The following SF3B1 variants were observed in gnomAD, a reference collection of about 807,000 sequenced individuals.
SF3B1 encodes pre-mRNA processing 10.
A neutral mutation model predicts 153.8 loss-of-function variants in SF3B1; 12 were observed. The observed-to-expected ratio is 0.08, with a 90% CI of 0.05 to 0.13. The LOEUF (loss-of-function observed/expected upper bound fraction) is 0.13. Ranked by LOEUF, SF3B1 falls within the 10% of genes least tolerant of loss-of-function variation. The pLI, the probability that SF3B1 is intolerant of heterozygous loss-of-function variation, is 1.00. For missense variants in SF3B1, 513 were observed against 1,606.1 expected (o/e 0.32, Z 11.63); for synonymous variants, 498 against 525.2 (o/e 0.95, Z 0.71).
chr2:197,398,190 T>G, intron 21 of SF3B1, 74 bp from the exon 22 acceptor site: 1 of 1,202,886 alleles, frequency 8.3e-7, no homozygotes, highest in African/African-American at 1.5e-5. Flanking sequence ...CAAATTCAGT[T>G]CTAAAAACAT....
Position 197,396,295 on chromosome 2 carries a change from G to A in SF3B1, c.3300C>T (p.Asn1100=), listed in dbSNP as rs146480206. ...PHDVLATLLN[N]LKVQERQNRV... ...TGTTCTGCCTTTCTTGAACTTTGAG[G>A]TTGTTCAGAAGTGTAGCCAATACAT... Residue 1100 remains asparagine (N), a synonymous_variant, in exon 23 of 25, where the codon AAC becomes AAT. Transcript: ENST00000335508. The A allele has an allele frequency of 1.2e-6, 2 of 1,613,692 alleles. No individual in the cohort carries two copies. The highest frequency in any genetic ancestry group is 2.7e-5 in the African/African-American group (2 of 74,858).
At chr2:197,396,657 A>C (rs2084877486) in intron 22 of SF3B1, among the ~76,000 whole-genome samples, 1 of 152,248 alleles carries the variant, frequency 6.6e-6, no homozygotes, top group African/African-American at 2.4e-5. Context: ...CTAAATGTTT[A>C]AAGTGAGTAA....
At chr2:197,410,138 A>G (rs2085046552) in intron 6 of SF3B1, 131 bp from the exon 7 acceptor site, 1 of 591,754 alleles carries the variant, frequency 1.7e-6, no homozygotes, top group African/African-American at 1.9e-5. Context: ...GTTAGAAGAC[A>G]CTACCTCTAC....
In SF3B1 at chr2:197,410,062, A is replaced by T. The variant is rs562760356; in HGVS notation, c.667-55T>A. 749 of 1,241,514 alleles carry T rather than the reference A, an allele frequency of 6.0e-4. 1 individual carries two copies. The highest frequency in any genetic ancestry group is 6.0e-4 in the Non-Finnish European group (526 of 873,228). The allele number at this position is 1,241,514 out of a possible 1,614,324, so 76.9% of individuals were successfully genotyped here. On this transcript the variant is annotated intron_variant, in intron 6 of 24. Transcript: ENST00000335508. ...ACACCCACACAGAAATAATTAGAAA[A>T]TTTCCATAAAATAAAAAACTTTAAA...
intron 21 of SF3B1, 139 bp from the exon 22 acceptor site, chr2:197,398,255 G>C (rs531382852): frequency 1.2e-6 from 1 of 859,404 alleles, no homozygotes; most frequent in East Asian, 2.5e-5. Flanking sequence ...AAAGGCTGAA[G>C]AGTTAGTCTT....
rs1392899881 is a variant in SF3B1 at position 197,403,722 on chromosome 2, C to T, written c.1582G>A (p.Ala528Thr). 1 of 1,596,244 alleles carries T rather than the reference C, an allele frequency of 6.3e-7. No individual in the cohort carries two copies. The highest frequency in any genetic ancestry group is 8.5e-7 in the Non-Finnish European group (1 of 1,174,544). The change falls in exon 12 of 25, where the codon GCT becomes ACT. Residue 528 changes from alanine to threonine, a missense_variant. By Grantham distance (58) the Ala-to-Thr change is moderately conservative. Around this residue, in one of 21 missense-constraint regions of SF3B1, gnomAD observed 34 missense variants for 190.8 expected, o/e 0.18. Coordinates refer to ENST00000335508, the MANE Select transcript of SF3B1 (RefSeq NM_012433.4). The stretch of plus-strand genomic sequence containing the variant: ...AGAATCTGATTAAACAAAGGACCAG[C>T]TCCAAATTCACGAGCTTTATCAGTA... ...QITDKAREFGAGPLFNQILPL... is the reference protein window; with the variant it reads ...QITDKAREFGTGPLFNQILPL...
At chr2:197,434,525 A>T (rs2085491214) in intron 1 of SF3B1, among the ~76,000 whole-genome samples, 1 of 152,228 alleles carries the variant, frequency 6.6e-6, no homozygotes, top group Admixed American at 6.5e-5. Flanking sequence ...GAGTAACGGA[A>T]TCTCGGTTTA....
At chr2:197,428,202 T>C (rs939587894) in intron 1 of SF3B1, among the ~76,000 whole-genome samples, 8 of 151,640 alleles carry the variant, frequency 5.3e-5, no homozygotes, top group Non-Finnish European at 8.8e-5. Context: ...ACACCTGTAG[T>C]CCCAGATACT....
At chr2:197,405,511 T>A (rs1559267303) in intron 9 of SF3B1, 39 bp from the exon 10 acceptor site, 1 of 1,390,506 alleles carries the variant, frequency 7.2e-7, no homozygotes, top group South Asian at 1.2e-5. Context: ...TTTTCTTAAC[T>A]TAAAAAACAG....
chr2:197,393,950 G>A (rs1013123636), intron 23 of SF3B1, among the ~76,000 whole-genome samples: 1 of 152,026 alleles, frequency 6.6e-6, no homozygotes, highest in African/African-American at 2.4e-5. Flanking sequence ...TTGGGAGGCC[G>A]AGGCAGATGG....
At chr2:197,403,130 T>A in intron 12 of SF3B1, 95 bp from the exon 13 acceptor site, 1 of 913,302 alleles carries the variant, frequency 1.1e-6, no homozygotes, top group African/African-American at 1.7e-5. Context: ...AATTTAGAAT[T>A]ATCAGGACTT....
At chr2:197,415,927 A>T (rs1010553211) in intron 6 of SF3B1, among the ~76,000 whole-genome samples, 1 of 110,640 alleles carries the variant, frequency 9.0e-6, no homozygotes, top group African/African-American at 3.5e-5. Flanking sequence ...AGCCCCCACC[A>T]CCCCCCATAC....
At chr2:197,427,070 G>A (rs1422561500) in intron 1 of SF3B1, among the ~76,000 whole-genome samples, 1 of 152,114 alleles carries the variant, frequency 6.6e-6, no homozygotes, top group Non-Finnish European at 1.5e-5. Flanking sequence ...TTGATTTTAT[G>A]TACCTGCTGA....
Position 197,390,568 on chromosome 2 carries a change from C to T in SF3B1, c.*1735G>A, listed in dbSNP as rs1490940882. 6.6e-6 allele frequency: 1 copy of T among 151,534 alleles called. No homozygotes were observed. The highest frequency in any genetic ancestry group is 2.4e-5 in the African/African-American group (1 of 41,186). 9.4% of individuals were successfully genotyped at this position (151,534 alleles called of 1,614,324 possible). On this transcript the variant is annotated 3_prime_UTR_variant, in exon 25 of 25. Coordinates refer to ENST00000335508, the MANE Select transcript of SF3B1 (RefSeq NM_012433.4). ...GAATGATGAGGAGTTACAAATCCAACTTGGAAACCCTTAATGCTCACTATC... is the reference window on the plus strand; with the variant it reads ...GAATGATGAGGAGTTACAAATCCAATTTGGAAACCCTTAATGCTCACTATC...
At position 197,402,877 on chromosome 2, in the gene SF3B1, C is replaced by T. The variant is rs1294659660; in HGVS notation, c.1807-51G>A. On this transcript the variant is annotated intron_variant, in intron 13 of 24. Coordinates refer to ENST00000335508, the MANE Select transcript of SF3B1 (RefSeq NM_012433.4). This position sits in a 1 kb window ranked among gnomAD's most constrained non-coding sequence, Gnocchi z 4.6. The stretch of plus-strand genomic sequence containing the variant: ...GTCATGAGTTGGTAATATTAATCTT[C>T]AACCATTTCTTTCCATAATCAATTC... The T allele has an allele frequency of 6.2e-7, 1 of 1,610,322 alleles. No individual in the cohort carries two copies. The highest frequency in any genetic ancestry group is 1.3e-5 in the African/African-American group (1 of 74,694).
chr2:197,402,459 C>T lies in SF3B1; in HGVS notation c.2077+97G>A. The stretch of plus-strand genomic sequence containing the variant: ...TACTAAGGAGGCTGAGCAGGAGGAT[C>T]ACTTGAGCCCAAAGGTTTGAGTCCA... On this transcript the variant is annotated intron_variant, in intron 14 of 24. Transcript: ENST00000335508. The surrounding 1 kb of genome is among the most constrained non-coding windows in gnomAD (Gnocchi z 4.6). 4.7e-6 allele frequency: 5 copies of T among 1,055,600 alleles called. No homozygotes were observed. Among genetic ancestry groups the T allele is most frequent in the Non-Finnish European group, 6.8e-6 (5 of 735,506 alleles). The allele number at this position is 1,055,600 out of a possible 1,614,324, so 65.4% of individuals were successfully genotyped here.
rs1310834634 is a variant in SF3B1 at position 197,400,476 on chromosome 2, A to G, written c.2719-42T>C. ...AAAAAAAGACATATTCATTTGGTTT[A>G]TGACTGCACAGTTGAAATACACTAA... On this transcript the variant is annotated intron_variant, in intron 18 of 24. Coordinates refer to ENST00000335508, the MANE Select transcript of SF3B1 (RefSeq NM_012433.4). This position sits in a 1 kb window ranked among gnomAD's most constrained non-coding sequence, Gnocchi z 5.0. The G allele has an allele frequency of 2.6e-6, 4 of 1,509,636 alleles. No homozygotes were observed. The highest frequency in any genetic ancestry group is 3.6e-6 in the Non-Finnish European group (4 of 1,111,396). 93.5% of individuals were successfully genotyped at this position (1,509,636 alleles called of 1,614,324 possible). A position where few individuals can be genotyped will look rare whatever the true frequency, so the allele number is the denominator to read the frequency against.
rs111673428 is a variant in SF3B1, at chr2:197,400,318, A to G, written c.2835T>C (p.Ala945=). 3.1e-6 allele frequency: 5 copies of G among 1,614,150 alleles called. No homozygotes were observed. In the East Asian group the frequency reaches 1.1e-4, roughly 36 times the overall value. The change falls in exon 19 of 25, where the codon GCT becomes GCC. Residue 945 remains alanine, a synonymous_variant. Transcript: ENST00000335508. This position sits in a 1 kb window ranked among gnomAD's most constrained non-coding sequence, Gnocchi z 5.0. ...AGTCAGCTGCCTGTTGCCTAACTTT[A>G]GCAGATTTGTTATTTAAACGCCACA... is the stretch of plus-strand genomic sequence containing the variant. ...TVLWRLNNKS[A]KVRQQAADLI...
rs544984475 is a variant in SF3B1 at position 197,419,892 on chromosome 2, TA to T, written c.415+535del. 4.1e-3 allele frequency: 924 copies of T among 223,946 alleles called. 7 individuals carry two copies. Among genetic ancestry groups the T allele is most frequent in the African/African-American group, 0.018 (829 of 44,946 alleles). 13.9% of individuals were successfully genotyped at this position (223,946 alleles called of 1,614,324 possible). On this transcript the variant is annotated intron_variant, in intron 4 of 24. Transcript: ENST00000335508. ...ATGCCCCTTGTGCTGACTTGCACAC[TA>T]AAATTAGCAAAACAGACTCCAACTA...
Sources: allele counts gnomAD v4.1 joint callset (sites outside exome capture counted in the v4.1 genomes callset), GRCh38; gene constraint gnomAD v4.1.1; regional missense constraint gnomAD v4.1.1; non-coding constraint Gnocchi (gnomAD v3.1); transcripts MANE v1.5; gene names NCBI Gene and HGNC (gene_info 2026-07-23, HGNC 2026-07-21).